Variants in RIN2 observed in about 807,000 individuals in gnomAD.
RIN2 encodes RAB5 interacting protein 2.
RIN2 carries 36 observed loss-of-function variants against 78.0 expected under a neutral mutation model. That is an observed-to-expected ratio of 0.46 (90% CI 0.35 to 0.61). RIN2 has a LOEUF of 0.61. Ranked by LOEUF, RIN2 falls within the 20% of genes least tolerant of loss-of-function variation. The pLI is 0.00. For synonymous variants in RIN2, 466 were observed against 466.8 expected (o/e 1.00, Z 0.02); for missense variants, 1,087 against 1,159.7 (o/e 0.94, Z 0.91).
At chr20:19,890,931 A>G (rs138346261) in intron 3 of RIN2, among the ~76,000 whole-genome samples, 245 of 152,324 alleles carry the variant, frequency 1.6e-3, no homozygotes, top group African/African-American at 5.6e-3. Flanking sequence ...TGGTGGATAC[A>G]GCAAGACTAG....
At chr20:19,890,041 C>T (rs1445591340) in intron 3 of RIN2, among the ~76,000 whole-genome samples, 1 of 149,938 alleles carries the variant, frequency 6.7e-6, no homozygotes, top group Non-Finnish European at 1.5e-5. Context: ...GTATGAATCA[C>T]TGAAGGGCTC....
chr20:19,832,573 G>A (rs925848773), intron 2 of RIN2, among the ~76,000 whole-genome samples: 1 of 151,550 alleles, frequency 6.6e-6, no homozygotes, highest in African/African-American at 2.4e-5. Flanking sequence ...TGATCACCCC[G>A]GGGCCAGGTA....
Position 19,906,079 on chromosome 20 carries a change from G to C in RIN2, c.57+16421G>C, listed in dbSNP as rs565331593. Reference sequence around the variant, plus strand: ...GTAAGTGGCAGAGCCAAGATTCACAGCCTGATCTCCCAGGGCAGGTTCCAT... The same window carrying C: ...GTAAGTGGCAGAGCCAAGATTCACACCCTGATCTCCCAGGGCAGGTTCCAT... On this transcript the variant is annotated intron_variant, in intron 3 of 12. Coordinates refer to ENST00000255006, the MANE Select transcript of RIN2 (RefSeq NM_018993.4). 9.8e-5 allele frequency among the ~76,000 whole-genome samples: 15 copies of C among 152,306 alleles called. No individual in the cohort carries two copies. The East Asian group carries it at 2.9e-3, about 29-fold the overall frequency.
chr20:19,888,896 A>C (rs6106149), intron 2 of RIN2, among the ~76,000 whole-genome samples: 1 of 152,126 alleles, frequency 6.6e-6, no homozygotes, highest in Admixed American at 6.5e-5. Context: ...AAAAAGCTAC[A>C]GTTAGAATTC....
At chr20:19,830,726 T>C (rs1313805450) in intron 2 of RIN2, among the ~76,000 whole-genome samples, 1 of 152,224 alleles carries the variant, frequency 6.6e-6, no homozygotes, top group East Asian at 1.9e-4. Context: ...GAGGGACTTG[T>C]TGCCCGGCTG....
intron 3 of RIN2, among the ~76,000 whole-genome samples, chr20:19,925,493 A>G (rs1365398382): frequency 6.6e-6 from 1 of 152,238 alleles, no homozygotes; most frequent in Non-Finnish European, 1.5e-5. Context: ...TTTAAAAGGC[A>G]GAAAAACAAT....
At chr20:19,868,747 A>C (rs1444335351) in intron 2 of RIN2, among the ~76,000 whole-genome samples, 1 of 152,170 alleles carries the variant, frequency 6.6e-6, no homozygotes, top group Non-Finnish European at 1.5e-5. Context: ...AAGGGAAGCT[A>C]GCACAGAGAT....
At chr20:19,883,884 C>T (rs545981050) in intron 2 of RIN2, among the ~76,000 whole-genome samples, 2 of 89,662 alleles carry the variant, frequency 2.2e-5, no homozygotes, top group African/African-American at 9.7e-5. Flanking sequence ...CTCACACCAC[C>T]TTGTTAAAAA....
At chr20:19,769,598 T>G (rs1451157843) in intron 1 of RIN2, among the ~76,000 whole-genome samples, 2 of 152,174 alleles carry the variant, frequency 1.3e-5, no homozygotes, top group African/African-American at 4.8e-5. Context: ...CACAAGAGAT[T>G]TCAGAGATGA....
intron 2 of RIN2, among the ~76,000 whole-genome samples, chr20:19,839,553 C>T (rs1336246531): frequency 1.3e-5 from 2 of 152,222 alleles, no homozygotes; most frequent in Non-Finnish European, 2.9e-5. Flanking sequence ...GCTATTTACC[C>T]ACTCAGAGTC....
chr20:19,823,830 A>G (rs1049019706), intron 2 of RIN2: 8 of 1,605,776 alleles, frequency 5.0e-6, no homozygotes, highest in Non-Finnish European at 6.0e-6. Context: ...CCTTTTTTGG[A>G]GACAGACCCA....
intron 2 of RIN2, among the ~76,000 whole-genome samples, chr20:19,803,485 A>G (rs2035311418): frequency 6.6e-6 from 1 of 152,222 alleles, no homozygotes; most frequent in Non-Finnish European, 1.5e-5. Flanking sequence ...AAAACAAGCA[A>G]TGGGGAAAGG....
At chr20:19,849,778 T>C (rs2036903739) in intron 2 of RIN2, among the ~76,000 whole-genome samples, 1 of 152,150 alleles carries the variant, frequency 6.6e-6, no homozygotes, top group Non-Finnish European at 1.5e-5. Context: ...AGCCAGATAA[T>C]GGCATAGCAC....
intron 2 of RIN2, chr20:19,823,823 T>C: frequency 1.2e-6 from 2 of 1,605,374 alleles, no homozygotes; most frequent in South Asian, 1.1e-5. Context: ...TCACCAACCT[T>C]TTTTGGAGAC....
intron 3 of RIN2, among the ~76,000 whole-genome samples, chr20:19,919,857 T>C (rs1325870801): frequency 6.6e-6 from 1 of 152,170 alleles, no homozygotes; most frequent in Non-Finnish European, 1.5e-5. Context: ...TTCTTCCCTA[T>C]TGTAGACCCA....
chr20:19,877,894 C>G (rs751974616), intron 2 of RIN2, among the ~76,000 whole-genome samples: 1 of 152,160 alleles, frequency 6.6e-6, no homozygotes, highest in East Asian at 1.9e-4. Flanking sequence ...GTGGTGCACA[C>G]CTGTAGTCCC....
intron 3 of RIN2, among the ~76,000 whole-genome samples, chr20:19,913,240 T>A (rs1378348598): frequency 6.6e-6 from 1 of 152,246 alleles, no homozygotes; most frequent in East Asian, 1.9e-4. Flanking sequence ...TACTGTTTTT[T>A]TTTTAATTGT....
At chr20:19,760,755 T>C (rs1475631902) in intron 1 of RIN2, among the ~76,000 whole-genome samples, 14 of 152,186 alleles carry the variant, frequency 9.2e-5, no homozygotes, top group Admixed American at 8.5e-4. Context: ...TTGTGCCCAA[T>C]TCCCCTTGTA....
intron 2 of RIN2, among the ~76,000 whole-genome samples, chr20:19,873,194 G>A (rs1226907591): frequency 1.3e-5 from 2 of 151,230 alleles, no homozygotes; most frequent in East Asian, 1.9e-4. Flanking sequence ...GTGCAATCTC[G>A]GCTCACTGCA....
Sources: gnomAD v4.1 joint callset for allele counts (sites outside exome capture counted in the v4.1 genomes callset) on GRCh38, gnomAD v4.1.1 for gene constraint, MANE v1.5 for transcripts, NCBI Gene and HGNC (gene_info 2026-07-23, HGNC 2026-07-21) for gene names.